The following MKNK1 variants were observed in gnomAD, a reference collection of about 807,000 sequenced individuals.
The protein encoded by MKNK1 is MAP kinase-interacting serine/threonine-protein kinase 1.
MKNK1 carries 30 observed loss-of-function variants against 49.3 expected under a neutral mutation model. The ratio of observed to expected loss-of-function variants is 0.61; its 90% confidence interval spans 0.46 to 0.83. The LOEUF is 0.83. Ranked by LOEUF, MKNK1 falls within the 40% of genes least tolerant of loss-of-function variation. The pLI is 0.00. For synonymous variants in MKNK1, 176 were observed against 201.7 expected, an observed-to-expected ratio of 0.87 and a Z score of 1.08; for missense variants, 423 against 524.7, an observed-to-expected ratio of 0.81 and a Z score of 1.89.
intron 1 of MKNK1, among the ~76,000 whole-genome samples, chr1:46,597,358 A>G (rs1394633798): frequency 6.6e-6 from 1 of 152,056 alleles, no homozygotes; most frequent in Non-Finnish European, 1.5e-5. Context: ...CATTACTTTC[A>G]AGACAGAAAA....
intron 12 of MKNK1, 134 bp downstream of exon 12, chr1:46,560,100 G>C: frequency 1.1e-6 from 1 of 943,556 alleles, no homozygotes; most frequent in Non-Finnish European, 1.7e-6. Context: ...AAAAGAGAGT[G>C]AGGAGGGGAA....
chr1:46,569,247 G>GA (rs1370622050), intron 7 of MKNK1: 7 of 152,330 alleles, frequency 4.6e-5, no homozygotes, highest in African/African-American at 1.7e-4. Context: ...GTTTTTAAGA[G>GA]AAAACCTCTG....
Position 46,564,466 on chromosome 1 carries a change from G to GTTTTTTTTT in MKNK1, c.609+566_609+574dup, listed in dbSNP as rs568296534. Among the ~76,000 whole-genome samples the GTTTTTTTTT allele has an allele frequency of 2.5e-3, 172 of 70,164 alleles. 34 individuals are homozygous for GTTTTTTTTT. Among genetic ancestry groups the GTTTTTTTTT allele is most frequent in the African/African-American group, 6.6e-3 (97 of 14,666 alleles). 46.0% of individuals were successfully genotyped at this position (70,164 alleles called of 152,430 possible). ...GGGCTCAGCCTGTGTTTTTTTTATT[G>GTTTTTTTTT]TTTTTTTTTTTTTTTTTTTTTTTTT... On this transcript the variant is annotated intron_variant, in intron 9 of 12. Transcript: ENST00000371945.
At chr1:46,575,296 T>A (rs1670788621) in intron 5 of MKNK1, 2 of 330,532 alleles carry the variant, frequency 6.1e-6, no homozygotes, top group Non-Finnish European at 1.1e-5. Flanking sequence ...TAGGTAGAGT[T>A]ATAAAAAAGT....
chr1:46,575,115 C>A, intron 5 of MKNK1, 95 bp from the exon 6 acceptor site: 2 of 791,554 alleles, frequency 2.5e-6, no homozygotes, highest in South Asian at 1.8e-5. Flanking sequence ...AAATATACAA[C>A]ACCTGGTAGT....
chr1:46,576,414 T>C (rs562033618), intron 5 of MKNK1, 161 bp downstream of exon 5: 1 of 607,758 alleles, frequency 1.6e-6, no homozygotes, highest in African/African-American at 1.9e-5. Flanking sequence ...CTGCTGCTTT[T>C]CCTTTCTCTC....
At position 46,589,749 on chromosome 1, in the gene MKNK1, A is replaced by T. The variant is rs200812027; in HGVS notation, c.-3+4364T>A. On this transcript the variant is annotated intron_variant, in intron 2 of 12. Coordinates refer to ENST00000371945, the MANE Select transcript of MKNK1 (RefSeq NM_001135553.4). The surrounding 1 kb of genome is among the most constrained non-coding windows in gnomAD (Gnocchi z 4.3). ...GCAGCACAGAGATTCCTGACATGCA[A>T]GCATCCATCCACCATTCTGCTCCAG... Among the ~76,000 whole-genome samples the T allele has an allele frequency of 2.6e-5, 4 of 152,144 alleles. No homozygotes were observed. In the East Asian group the frequency reaches 7.7e-4, roughly 29 times the overall value.
At chr1:46,560,640 T>G (rs1473604911) in intron 11 of MKNK1, among the ~76,000 whole-genome samples, 1 of 152,262 alleles carries the variant, frequency 6.6e-6, no homozygotes, top group Non-Finnish European at 1.5e-5. Flanking sequence ...TTGCTCCCTT[T>G]GTGCCCCTAG....
intron 4 of MKNK1, 25 bp from the exon 5 acceptor site, chr1:46,576,679 T>C (rs770878870): frequency 1.4e-5 from 22 of 1,600,730 alleles, no homozygotes; most frequent in South Asian, 3.3e-5. Context: ...AAATCTGTCA[T>C]GTACACCCAC....
intron 2 of MKNK1, among the ~76,000 whole-genome samples, chr1:46,590,284 G>A (rs577114590): frequency 2.6e-5 from 4 of 152,152 alleles, no homozygotes; most frequent in Non-Finnish European, 5.9e-5. Context: ...GGGGGTACCT[G>A]GGGAGACTGA....
intron 2 of MKNK1, chr1:46,585,890 G>A: frequency 7.4e-7 from 1 of 1,356,380 alleles, no homozygotes; most frequent in Non-Finnish European, 9.9e-7. Flanking sequence ...TATTCTGCAT[G>A]GATTTCAATG....
At chr1:46,585,249 CAAAAAAA>C (rs58692301) in intron 2 of MKNK1, among the ~76,000 whole-genome samples, 1 of 62,114 alleles carries the variant, frequency 1.6e-5, no homozygotes. Context: ...GATTCCGTCT[CAAAAAAA>C]AAAAAAAAAA....
chr1:46,601,267 G>A (rs908874017), intron 1 of MKNK1, among the ~76,000 whole-genome samples: 7 of 152,134 alleles, frequency 4.6e-5, no homozygotes, highest in African/African-American at 1.4e-4. Flanking sequence ...TGAAAGTGGC[G>A]GAACCAGATG....
rs1263543674 is a variant in MKNK1 at position 46,594,299 on chromosome 1, G to A, written c.-170-19C>T. 1.4e-6 allele frequency: 1 copy of A among 698,962 alleles called. No homozygotes were observed. Among genetic ancestry groups the A allele is most frequent in the East Asian group, 2.6e-5 (1 of 37,894 alleles). The allele number at this position is 698,962 out of a possible 1,614,324, so 43.3% of individuals were successfully genotyped here. A position where few individuals can be genotyped will look rare whatever the true frequency, so the allele number is the denominator to read the frequency against. On this transcript the variant is annotated intron_variant, in intron 1 of 12. Coordinates refer to ENST00000371945, the MANE Select transcript of MKNK1 (RefSeq NM_001135553.4). ...TGGAAACCTTGAAAAAGCAGAAATA[G>A]AAAGGAAATCAAAATGCTGACTTCT...
intron 8 of MKNK1, among the ~76,000 whole-genome samples, chr1:46,566,683 T>C (rs1669122422): frequency 6.6e-6 from 1 of 152,172 alleles, no homozygotes; most frequent in Non-Finnish European, 1.5e-5. Flanking sequence ...GCCTACCTAG[T>C]AGTATGTGGT....
At position 46,560,226 on chromosome 1, in the gene MKNK1, G is replaced by A; in HGVS notation, c.1013+8C>T. ...AGAGCATGGCGTGGGGGTGGTCAGA[G>A]CATTTACCTCTGGAGGACTTGCGGC... On this transcript the variant is annotated splice_region_variant and intron_variant, in intron 12 of 12. Coordinates refer to ENST00000371945, the MANE Select transcript of MKNK1 (RefSeq NM_001135553.4). 1 of 1,614,088 alleles carries A rather than the reference G, an allele frequency of 6.2e-7. No homozygotes were observed. Among genetic ancestry groups the A allele is most frequent in the Non-Finnish European group, 8.5e-7 (1 of 1,179,948 alleles).
Position 46,594,870 on chromosome 1 carries a change from G to C in MKNK1, c.-170-590C>G, listed in dbSNP as rs1402658279. ...TAGCCAGGCATGGTGGCACACACCT[G>C]TAGCTGCTTGGGAGGCTGAGGTGGG... On this transcript the variant is annotated intron_variant, in intron 1 of 12. Transcript: ENST00000371945. The C allele has an allele frequency of 1.2e-5, 5 of 416,504 alleles. No individual in the cohort carries two copies. In the Admixed American group the frequency reaches 1.3e-4, roughly 11 times the overall value. 25.8% of individuals were successfully genotyped at this position (416,504 alleles called of 1,614,324 possible). A position where few individuals can be genotyped will look rare whatever the true frequency, so the allele number is the denominator to read the frequency against.
chr1:46,594,487 G>C (rs572690780), intron 1 of MKNK1, among the ~76,000 whole-genome samples: 1 of 152,232 alleles, frequency 6.6e-6, no homozygotes, highest in East Asian at 1.9e-4. Flanking sequence ...TGTTGCCCAG[G>C]CTGGCCAAAT....
intron 7 of MKNK1, among the ~76,000 whole-genome samples, chr1:46,570,466 C>T (rs535202175): frequency 2.0e-4 from 31 of 152,346 alleles, no homozygotes; most frequent in African/African-American, 7.2e-4. Flanking sequence ...CCAACATGGG[C>T]ACTGTCAGTA....
Sources: gnomAD v4.1 joint callset for allele counts (sites outside exome capture counted in the v4.1 genomes callset) on GRCh38, gnomAD v4.1.1 for gene constraint, Gnocchi (gnomAD v3.1) non-coding constraint, MANE v1.5 for transcripts, NCBI Gene and HGNC (gene_info 2026-07-23, HGNC 2026-07-21) for gene names.